PLSCR2: variants seen among roughly 807,000 people sequenced by gnomAD.
PLSCR2 encodes the protein PL scramblase 2.
A neutral mutation model predicts 25.3 loss-of-function variants in PLSCR2; 18 were observed. The ratio of observed to expected loss-of-function variants is 0.71; its 90% CI spans 0.49 to 1.06. The LOEUF is 1.06. Ranked by LOEUF, PLSCR2 falls within the 50% of genes least tolerant of loss-of-function variation. The pLI, the probability that PLSCR2 is intolerant of heterozygous loss-of-function variation, is 0.00. For synonymous variants in PLSCR2, 88 were observed against 87.3 expected (o/e 1.01, Z -0.04); for missense variants, 243 against 269.5 (o/e 0.90, Z 0.69).
chr3:146,438,288 G>T (rs1027042284), downstream of PLSCR2, among the ~76,000 whole-genome samples: 5 of 152,142 alleles, frequency 3.3e-5, no homozygotes, highest in African/African-American at 1.2e-4. Flanking sequence ...TGTCTATCAG[G>T]TCTGCTTGGT....
chr3:146,460,787 T>A (rs1342691674), upstream of PLSCR2, among the ~76,000 whole-genome samples: 2 of 152,214 alleles, frequency 1.3e-5, no homozygotes, highest in African/African-American at 4.8e-5. Context: ...TGTAAAATCA[T>A]GTCGTCCCTC....
intron 8 of PLSCR2, among the ~76,000 whole-genome samples, chr3:146,434,203 G>A (rs2039684964): frequency 2.0e-5 from 3 of 151,866 alleles, no homozygotes; most frequent in Admixed American, 6.6e-5. Flanking sequence ...TCACTGTATT[G>A]GAAACCACAC....
downstream of PLSCR2, among the ~76,000 whole-genome samples, chr3:146,431,425 G>A (rs2039541551): frequency 6.6e-6 from 1 of 152,102 alleles, no homozygotes; most frequent in Non-Finnish European, 1.5e-5. Context: ...GCCAGCACTG[G>A]CCTCTTAGTG....
chr3:146,412,764 T>C (rs2038897542), intron 2 of PLSCR2, among the ~76,000 whole-genome samples: 1 of 152,096 alleles, frequency 6.6e-6, no homozygotes, highest in African/African-American at 2.4e-5. Flanking sequence ...CGTTCCCCTA[T>C]TGGCTAGGGT....
chr3:146,424,108 G>A (rs919917799), intron 2 of PLSCR2, among the ~76,000 whole-genome samples: 5 of 147,524 alleles, frequency 3.4e-5, no homozygotes, highest in Admixed American at 7.1e-5. Flanking sequence ...CATTCTGCAC[G>A]TGTATCCCAG....
intron 2 of PLSCR2, among the ~76,000 whole-genome samples, chr3:146,421,144 A>G (rs2039135903): frequency 6.6e-6 from 1 of 152,092 alleles, no homozygotes; most frequent in Admixed American, 6.6e-5. Context: ...TATTTTACAG[A>G]AATGTTTAAT....
At chr3:146,485,942 T>C (rs952261775) in intron 1 of PLSCR2, among the ~76,000 whole-genome samples, 1 of 152,056 alleles carries the variant, frequency 6.6e-6, no homozygotes, top group Non-Finnish European at 1.5e-5. Context: ...CCATTCACTA[T>C]CATGAGAACA....
At chr3:146,460,841 A>G (rs1238176498), upstream of PLSCR2, among the ~76,000 whole-genome samples, 1 of 152,222 alleles carries the variant, frequency 6.6e-6, no homozygotes, top group Non-Finnish European at 1.5e-5. Context: ...GGTTACGAGG[A>G]GTTTTAATCT....
intron 1 of PLSCR2, among the ~76,000 whole-genome samples, chr3:146,472,310 G>A (rs1289396150): frequency 6.6e-6 from 1 of 152,146 alleles, no homozygotes; most frequent in Non-Finnish European, 1.5e-5. Flanking sequence ...CTAATATTTG[G>A]TTTGATTAAT....
At position 146,478,334 on chromosome 3, in the gene PLSCR2, A is replaced by G. The variant is rs2042997676; in HGVS notation, c.-293+17561T>C. 2.0e-5 allele frequency among the ~76,000 whole-genome samples: 3 copies of G among 152,230 alleles called. No individual in the cohort carries two copies. The South Asian group carries it at 6.2e-4, about 31-fold the overall frequency. On this transcript the variant is annotated intron_variant, in intron 1 of 8. Transcript: ENST00000336685. ...TCTAACCCATTGCAAGGAAGCTAAT[A>G]AAAACCTTGATAAAATGTTAGATGA...
At chr3:146,398,066 G>A (rs547148650) in intron 2 of PLSCR2, among the ~76,000 whole-genome samples, 191 of 151,940 alleles carry the variant, frequency 1.3e-3, no homozygotes, top group African/African-American at 4.5e-3. Flanking sequence ...TGAAAGTTAG[G>A]GAAGTATGGC....
intron 5 of PLSCR2, among the ~76,000 whole-genome samples, chr3:146,453,226 T>C (rs1036166224): frequency 6.6e-6 from 1 of 152,124 alleles, no homozygotes; most frequent in African/African-American, 2.4e-5. Flanking sequence ...TCCCACATTT[T>C]ATCATAAGTG....
At chr3:146,491,638 T>A (rs2043555931) in intron 1 of PLSCR2, among the ~76,000 whole-genome samples, 2 of 152,202 alleles carry the variant, frequency 1.3e-5, no homozygotes, top group African/African-American at 4.8e-5. Context: ...CATTCTACTC[T>A]GTTGTTAATG....
At chr3:146,440,359 C>T (rs2040158304), downstream of PLSCR2, among the ~76,000 whole-genome samples, 1 of 152,238 alleles carries the variant, frequency 6.6e-6, no homozygotes, top group Non-Finnish European at 1.5e-5. Flanking sequence ...TTCAGCTATT[C>T]CCTGCTTCCA....
intron 1 of PLSCR2, 89 bp from the exon 1 acceptor site, chr3:146,469,650 C>T: frequency 2.6e-6 from 2 of 778,780 alleles, no homozygotes; most frequent in Non-Finnish European, 3.1e-6. Flanking sequence ...TCTACACCTG[C>T]AGCAGCCCCT....
At chr3:146,482,194 A>G (rs553106898) in intron 1 of PLSCR2, among the ~76,000 whole-genome samples, 1 of 152,326 alleles carries the variant, frequency 6.6e-6, no homozygotes, top group East Asian at 1.9e-4. Context: ...AAACACCAAA[A>G]ACAATGACAA....
At chr3:146,412,306 T>C (rs902892878) in intron 2 of PLSCR2, among the ~76,000 whole-genome samples, 1 of 152,110 alleles carries the variant, frequency 6.6e-6, no homozygotes, top group African/African-American at 2.4e-5. Flanking sequence ...TAGTGCAGGC[T>C]TTCTGTATTG....
intron 1 of PLSCR2, among the ~76,000 whole-genome samples, chr3:146,467,785 T>G (rs561469908): frequency 6.6e-6 from 1 of 152,224 alleles, no homozygotes; most frequent in East Asian, 1.9e-4. Context: ...GAAAAAAGTC[T>G]AGAATCAGCC....
chr3:146,476,854 C>G (rs919958596), intron 1 of PLSCR2, among the ~76,000 whole-genome samples: 2 of 152,366 alleles, frequency 1.3e-5, no homozygotes, highest in East Asian at 1.9e-4. Context: ...AAATTCTGGT[C>G]TCCCTGGGCC....
Sources: gnomAD v4.1 joint callset for allele counts (sites outside exome capture counted in the v4.1 genomes callset) on GRCh38, gnomAD v4.1.1 for gene constraint, MANE v1.5 for transcripts, NCBI Gene and HGNC (gene_info 2026-07-23, HGNC 2026-07-21) for gene names.